RIMBP2: variants seen among roughly 807,000 people sequenced by gnomAD.
RIMBP2 encodes RIMS binding protein 2.
A neutral mutation model predicts 118.6 loss-of-function variants in RIMBP2; 48 were observed. The observed-to-expected ratio is 0.40, with a 90% CI of 0.32 to 0.51. RIMBP2 has a LOEUF of 0.51. Among genes scored for constraint, RIMBP2 ranks in the 20% least tolerant of loss-of-function variants. The pLI, the probability that RIMBP2 is intolerant of heterozygous loss-of-function variation, is 0.41. For synonymous variants in RIMBP2, 762 were observed against 742.9 expected, an observed-to-expected ratio of 1.03 and a Z score of -0.42; for missense variants, 1,551 against 1,768.3, an observed-to-expected ratio of 0.88 and a Z score of 2.20.
At chr12:130,527,747 A>AG (rs1383217595) in intron 2 of RIMBP2, among the ~76,000 whole-genome samples, 3 of 124,942 alleles carry the variant, frequency 2.4e-5, no homozygotes, top group Middle Eastern at 3.9e-3. Flanking sequence ...GACTTACAAG[A>AG]GAAAAAAAAA....
At chr12:130,489,417 C>A (rs375166673) in intron 4 of RIMBP2, among the ~76,000 whole-genome samples, 2 of 152,216 alleles carry the variant, frequency 1.3e-5, no homozygotes, top group African/African-American at 4.8e-5. Flanking sequence ...TCTTGTTTTG[C>A]TCTGTATCAG....
At position 130,468,498 on chromosome 12, in the gene RIMBP2, C is replaced by T. The variant is rs764986985; in HGVS notation, c.153+2195G>A. 1.1e-4 allele frequency among the ~76,000 whole-genome samples: 17 copies of T among 152,156 alleles called. No homozygotes were observed. In the East Asian group the frequency reaches 1.2e-3, roughly 10 times the overall value. On this transcript the variant is annotated intron_variant, in intron 6 of 22. Transcript: ENST00000690449. ...GAAGTGGGAAAGGCCGTTCCTTCCA[C>T]GAACTCACCATCCAACTCAGAGGCG...
chr12:130,481,949 ACCCACCG>A (rs1420416389), intron 4 of RIMBP2, among the ~76,000 whole-genome samples: 1 of 52,352 alleles, frequency 1.9e-5, no homozygotes, highest in Non-Finnish European at 4.8e-5. Flanking sequence ...CACCACCACC[ACCCACCG>A]CCCACCACCA....
rs1215463844 is a variant in RIMBP2 at position 130,576,720 on chromosome 12, C to A, written c.-217+51602G>T. On this transcript the variant is annotated intron_variant, in intron 2 of 22. Coordinates refer to ENST00000690449, the MANE Select transcript of RIMBP2 (RefSeq NM_001393629.1). The surrounding 1 kb of genome is among the most constrained non-coding windows in gnomAD (Gnocchi z 4.2). Reference sequence around the variant, plus strand: ...AACTGCCAGCAGCAGCGAGGAGGAGCCCCGCCGAGCGCCGAGAGGCATATG... The same window carrying A: ...AACTGCCAGCAGCAGCGAGGAGGAGACCCGCCGAGCGCCGAGAGGCATATG... Among the ~76,000 whole-genome samples, 2 of 152,202 alleles carry A rather than the reference C, an allele frequency of 1.3e-5. No homozygotes were observed. Among genetic ancestry groups the A allele is most frequent in the Admixed American group, 6.5e-5 (1 of 15,288 alleles).
intron 4 of RIMBP2, among the ~76,000 whole-genome samples, chr12:130,496,194 C>T (rs560475207): frequency 1.3e-4 from 20 of 152,206 alleles, no homozygotes; most frequent in East Asian, 7.7e-4. Context: ...ATCATGGGGG[C>T]GGTGTCCCCC....
intron 1 of RIMBP2, among the ~76,000 whole-genome samples, chr12:130,645,168 C>A (rs1423598083): frequency 6.6e-6 from 1 of 151,716 alleles, no homozygotes; most frequent in Admixed American, 6.6e-5. Context: ...TGGCTCACTG[C>A]AGCCTCCGTC....
At chr12:130,405,612 G>C (rs1593179840) in intron 21 of RIMBP2, among the ~76,000 whole-genome samples, 1 of 151,826 alleles carries the variant, frequency 6.6e-6, no homozygotes, top group East Asian at 1.9e-4. Context: ...ACATGCTCCA[G>C]GGGAACAGAA....
chr12:130,667,988 G>A (rs2064025086), intron 1 of RIMBP2: 1 of 152,140 alleles, frequency 6.6e-6, no homozygotes, highest in African/African-American at 2.4e-5. Flanking sequence ...AGTTCCCTGA[G>A]CCATTTTAGG....
intron 6 of RIMBP2, among the ~76,000 whole-genome samples, chr12:130,460,842 C>T (rs1452355244): frequency 1.3e-5 from 2 of 152,102 alleles, no homozygotes; most frequent in African/African-American, 2.4e-5. Flanking sequence ...GCAGCAGTGA[C>T]GGGGGAGAGC....
intron 2 of RIMBP2, among the ~76,000 whole-genome samples, chr12:130,518,303 A>T (rs2051696000): frequency 2.6e-5 from 4 of 152,216 alleles, no homozygotes. Flanking sequence ...GAAAGTTTAG[A>T]AATATTTAGC....
intron 3 of RIMBP2, among the ~76,000 whole-genome samples, chr12:130,509,726 G>GCCCACC (rs376019473): frequency 2.0e-5 from 3 of 148,036 alleles, no homozygotes; most frequent in African/African-American, 7.7e-5. Flanking sequence ...CATGCCCTCT[G>GCCCACC]CCCCCCCGCC....
chr12:130,578,319 T>C lies in RIMBP2; in HGVS notation c.-217+50003A>G, dbSNP rs972231037. Among the ~76,000 whole-genome samples the C allele has an allele frequency of 6.6e-6, 1 of 152,244 alleles. No individual in the cohort carries two copies. The highest frequency in any genetic ancestry group is 2.4e-5 in the African/African-American group (1 of 41,472). On this transcript the variant is annotated intron_variant, in intron 2 of 22. Transcript: ENST00000690449. This position sits in a 1 kb window ranked among gnomAD's most constrained non-coding sequence, Gnocchi z 4.1. Reference sequence around the variant, plus strand: ...CTTCTGCCCCGTTTCCAGAATCATCTTTCTCAAGCATCATTCTGGATGGCT... The same window carrying C: ...CTTCTGCCCCGTTTCCAGAATCATCCTTCTCAAGCATCATTCTGGATGGCT...
chr12:130,714,966 G>A (rs181845524), intron 1 of RIMBP2, among the ~76,000 whole-genome samples: 7 of 152,266 alleles, frequency 4.6e-5, no homozygotes, highest in Non-Finnish European at 8.8e-5. Flanking sequence ...CTTAGAAACC[G>A]GGTGAGTGAG....
chr12:130,518,660 T>G (rs2051739543), intron 2 of RIMBP2, among the ~76,000 whole-genome samples: 1 of 152,134 alleles, frequency 6.6e-6, no homozygotes, highest in Non-Finnish European at 1.5e-5. Context: ...CTCTCTACTA[T>G]CACCATGGCA....
At position 130,396,271 on chromosome 12, in the gene RIMBP2, ATAGCGTTTT is replaced by A. The variant is rs2074068968; in HGVS notation, c.*1081_*1089del. Reference sequence around the variant, plus strand: ...ACATACTATTATATTACAATTTATAATAGCGTTTTTGAAGACACAATGGGGAAAGCTTTG... The same window carrying A: ...ACATACTATTATATTACAATTTATAATGAAGACACAATGGGGAAAGCTTTG... On this transcript the variant is annotated 3_prime_UTR_variant, in exon 23 of 23. Transcript: ENST00000690449. 6.5e-6 allele frequency: 1 copy of A among 152,694 alleles called. No individual in the cohort carries two copies. The highest frequency in any genetic ancestry group is 1.5e-5 in the Non-Finnish European group (1 of 68,052). 9.5% of individuals were successfully genotyped at this position (152,694 alleles called of 1,614,324 possible).
At chr12:130,488,425 T>G (rs1593495869) in intron 4 of RIMBP2, among the ~76,000 whole-genome samples, 2 of 149,894 alleles carry the variant, frequency 1.3e-5, no homozygotes, top group African/African-American at 2.5e-5. Flanking sequence ...AGTCAGGGGG[T>G]GGTGGGGGCC....
At chr12:130,707,382 C>T (rs559534377) in intron 1 of RIMBP2, among the ~76,000 whole-genome samples, 1 of 152,234 alleles carries the variant, frequency 6.6e-6, no homozygotes, top group South Asian at 2.1e-4. Context: ...GGAGGCACAT[C>T]AAGAAACAGA....
At chr12:130,440,033 T>C (rs2077988246) in intron 11 of RIMBP2, among the ~76,000 whole-genome samples, 1 of 151,828 alleles carries the variant, frequency 6.6e-6, no homozygotes, top group Admixed American at 6.6e-5. Flanking sequence ...TGTGTTACTC[T>C]GAAGAACACC....
chr12:130,644,824 C>G (rs977898898), intron 1 of RIMBP2, among the ~76,000 whole-genome samples: 2 of 152,242 alleles, frequency 1.3e-5, no homozygotes, highest in East Asian at 1.9e-4. Context: ...CTGGGCAAAG[C>G]ACCCAACGGC....
Sources: gnomAD v4.1 joint callset for allele counts (sites outside exome capture counted in the v4.1 genomes callset) on GRCh38, gnomAD v4.1.1 for gene constraint, Gnocchi (gnomAD v3.1) non-coding constraint, MANE v1.5 for transcripts, NCBI Gene and HGNC (gene_info 2026-07-23, HGNC 2026-07-21) for gene names.